CDH2: variants seen among roughly 807,000 people sequenced by gnomAD.
CDH2 encodes the protein cadherin-2.
CDH2 carries 17 observed loss-of-function variants against 92.0 expected under a neutral mutation model. The ratio of observed to expected loss-of-function variants is 0.18; its 90% CI spans 0.13 to 0.28. The LOEUF (loss-of-function observed/expected upper bound fraction) is 0.28. Ranked by LOEUF, CDH2 falls within the 10% of genes least tolerant of loss-of-function variation. CDH2 has a pLI of 1.00. For missense variants in CDH2, 862 were observed against 1,133.1 expected (o/e 0.76, Z 3.44); for synonymous variants, 419 against 415.9 (o/e 1.01, Z -0.09).
chr18:28,099,654 A>G (rs1334814229), intron 2 of CDH2, among the ~76,000 whole-genome samples: 2 of 152,168 alleles, frequency 1.3e-5, no homozygotes, highest in African/African-American at 4.8e-5. Flanking sequence ...GCAGGTAACC[A>G]CTACATATAA....
chr18:27,997,265 T>C (rs1443224718), intron 7 of CDH2, among the ~76,000 whole-genome samples: 1 of 152,184 alleles, frequency 6.6e-6, no homozygotes, highest in Non-Finnish European at 1.5e-5. Context: ...GGTGAGAACA[T>C]TCAGTCATTC....
At chr18:28,145,018 C>T (rs2016013752) in intron 2 of CDH2, among the ~76,000 whole-genome samples, 1 of 152,126 alleles carries the variant, frequency 6.6e-6, no homozygotes, top group Admixed American at 6.5e-5. Flanking sequence ...CAAATACCAA[C>T]TTATGTCTCT....
At chr18:28,099,723 A>C (rs2144229797) in intron 2 of CDH2, among the ~76,000 whole-genome samples, 1 of 152,254 alleles carries the variant, frequency 6.6e-6, no homozygotes, top group African/African-American at 2.4e-5. Context: ...AGGCCATGGA[A>C]GTATAAGAAA....
chr18:27,977,644 A>G (rs2011879904), intron 14 of CDH2, among the ~76,000 whole-genome samples: 1 of 152,110 alleles, frequency 6.6e-6, no homozygotes, highest in South Asian at 2.1e-4. Context: ...GCCTTGCTGT[A>G]AACACAGTCA....
At chr18:28,059,753 T>A (rs750287838) in intron 2 of CDH2, among the ~76,000 whole-genome samples, 7 of 152,362 alleles carry the variant, frequency 4.6e-5, no homozygotes, top group Middle Eastern at 3.4e-3. Flanking sequence ...TATGTATGTT[T>A]CATATATGTG....
intron 2 of CDH2, among the ~76,000 whole-genome samples, chr18:28,076,768 A>T (rs1234471290): frequency 6.8e-6 from 1 of 146,574 alleles, no homozygotes; most frequent in African/African-American, 2.5e-5. Flanking sequence ...TCAATTGAAC[A>T]ATGAGGAGGC....
At chr18:28,102,065 C>T (rs1023453824) in intron 2 of CDH2, among the ~76,000 whole-genome samples, 4 of 152,046 alleles carry the variant, frequency 2.6e-5, no homozygotes, top group East Asian at 1.9e-4. Flanking sequence ...ATGCCCAAGT[C>T]GTATCCACTC....
intron 2 of CDH2, among the ~76,000 whole-genome samples, chr18:28,119,319 A>G (rs543906564): frequency 1.4e-4 from 22 of 152,230 alleles, no homozygotes; most frequent in African/African-American, 4.3e-4. Flanking sequence ...GCAAAGGACC[A>G]CCATATGGGG....
intron 2 of CDH2, among the ~76,000 whole-genome samples, chr18:28,014,648 T>C (rs919114222): frequency 1.3e-5 from 2 of 151,788 alleles, no homozygotes; most frequent in Non-Finnish European, 2.9e-5. Context: ...CAAAAGAAAT[T>C]TTAAATTAAA....
At chr18:28,152,651 G>A (rs973574816) in intron 1 of CDH2, among the ~76,000 whole-genome samples, 2 of 152,358 alleles carry the variant, frequency 1.3e-5, no homozygotes, top group Admixed American at 6.5e-5. Flanking sequence ...TGGAGAGTTA[G>A]ACAGGGTTAG....
chr18:27,971,151 G>T (rs1414468385), intron 14 of CDH2, among the ~76,000 whole-genome samples: 1 of 151,948 alleles, frequency 6.6e-6, no homozygotes, highest in East Asian at 1.9e-4. Context: ...CAGGAGAATT[G>T]CTTGAACCTG....
At chr18:28,061,769 C>T (rs771552875) in intron 2 of CDH2, among the ~76,000 whole-genome samples, 11 of 152,096 alleles carry the variant, frequency 7.2e-5, no homozygotes, top group Non-Finnish European at 1.2e-4. Flanking sequence ...TGGCAGAAGG[C>T]GAAGGAATGT....
rs17853634 is a variant in CDH2 at position 27,992,689 on chromosome 18, G to A, written c.1310C>T (p.Pro437Leu). 2 of 1,613,274 alleles carry A rather than the reference G, an allele frequency of 1.2e-6. No homozygotes were observed. Among genetic ancestry groups the A allele is most frequent in the Non-Finnish European group, 8.5e-7 (1 of 1,179,678 alleles). Residue 437 changes from proline (P) to leucine (L), a missense_variant, in exon 9 of 16, where the codon CCA becomes CTA. Pro to Leu is a moderately conservative substitution (Grantham distance 98). Transcript: ENST00000269141. ...PTGRFAIQTD[P>L]NSNDGLVTVV... ...GGTGACTAACCCGTCGTTGCTGTTT[G>A]GGTCGGTCTGGATGGCGAACCGTCC...
chr18:28,134,666 G>A (rs891344492), intron 2 of CDH2, among the ~76,000 whole-genome samples: 3 of 152,138 alleles, frequency 2.0e-5, no homozygotes, highest in African/African-American at 7.2e-5. Context: ...AGCCATGATC[G>A]TACCACTGCA....
chr18:27,972,535 G>A (rs1299495951), intron 14 of CDH2, among the ~76,000 whole-genome samples: 1 of 152,186 alleles, frequency 6.6e-6, no homozygotes, highest in Non-Finnish European at 1.5e-5. Flanking sequence ...GTAGCACAGT[G>A]CCTGACACAG....
Position 28,079,671 on chromosome 18 carries a change from A to C in CDH2, c.173-65762T>G, listed in dbSNP as rs541525428. 6.0e-4 allele frequency among the ~76,000 whole-genome samples: 92 copies of C among 152,350 alleles called. 1 individual carries two copies. The highest frequency in any genetic ancestry group is 2.1e-3 in the African/African-American group (88 of 41,586). On this transcript the variant is annotated intron_variant, in intron 2 of 15. Coordinates refer to ENST00000269141, the MANE Select transcript of CDH2 (RefSeq NM_001792.5). ...CCAGTTCTGCTATCAAATCAGAGGC[A>C]AGCCAACAAGCCCCTGAGAAGGGGA...
chr18:28,138,422 C>T (rs1444437601), intron 2 of CDH2, among the ~76,000 whole-genome samples: 3 of 152,098 alleles, frequency 2.0e-5, no homozygotes, highest in South Asian at 2.1e-4. Context: ...CCCGCATCTA[C>T]ATCAAAGGCA....
intron 1 of CDH2, among the ~76,000 whole-genome samples, chr18:28,152,818 A>G (rs545719981): frequency 6.6e-6 from 1 of 152,260 alleles, no homozygotes; most frequent in East Asian, 1.9e-4. Flanking sequence ...CTGGGAGACA[A>G]GCTAGGACAC....
At chr18:28,043,229 A>G (rs969070522) in intron 2 of CDH2, among the ~76,000 whole-genome samples, 4 of 151,946 alleles carry the variant, frequency 2.6e-5, no homozygotes, top group Non-Finnish European at 5.9e-5. Context: ...GTTCTCACTT[A>G]TAAGCGGGAG....
Sources: allele counts gnomAD v4.1 joint callset (sites outside exome capture counted in the v4.1 genomes callset), GRCh38; gene constraint gnomAD v4.1.1; transcripts MANE v1.5; gene names NCBI Gene and HGNC (gene_info 2026-07-23, HGNC 2026-07-21).